Variants in HTT observed in about 807,000 individuals in gnomAD.
The protein encoded by HTT is huntington disease protein.
In HTT, 104 loss-of-function variants were observed where a neutral mutation model predicts 362.3. That is an observed-to-expected ratio of 0.29 (90% CI 0.24 to 0.34). The LOEUF (loss-of-function observed/expected upper bound fraction) is 0.34. HTT is among the 10% of genes least tolerant of loss of function. HTT has a pLI of 1.00. For synonymous variants in HTT, 1,577 were observed against 1,548.7 expected, an observed-to-expected ratio of 1.02 and a Z score of -0.43; for missense variants, 3,301 against 3,928.6, an observed-to-expected ratio of 0.84 and a Z score of 4.27.
chr4:3,220,344 C>G (rs370177554), intron 53 of HTT, 36 bp downstream of exon 53: 2 of 1,596,574 alleles, frequency 1.3e-6, no homozygotes, highest in African/African-American at 2.7e-5. Context: ...TCACCATTGT[C>G]GGACATCTAC....
intron 7 of HTT, 114 bp from the exon 8 acceptor site, chr4:3,115,971 T>A: frequency 1.0e-6 from 1 of 963,836 alleles, no homozygotes; most frequent in Non-Finnish European, 1.6e-6. Context: ...TACTCGTTCA[T>A]GATCATGTTT....
Position 3,145,153 on chromosome 4 carries a change from T to C in HTT, c.3068T>C (p.Phe1023Ser), listed in dbSNP as rs1287021690. ...ATTTTATTGTTTCTTTCTTCTCAGT[T>C]TGGATGCTGTGAAGCTTTGTGTCTT... The part of the protein sequence containing the change: ...LITSTTRALT[F>S]GCCEALCLLS... Residue 1023 changes from phenylalanine (F) to serine (S), a missense_variant and splice_region_variant, in exon 24 of 67, where the codon TTT (phenylalanine) becomes TCT (serine). By Grantham distance (155) the Phe-to-Ser change is radical. This residue lies in a region of HTT where 2,316 missense variants were observed against 2,658.5 expected (regional missense o/e 0.87). Coordinates refer to ENST00000355072, the MANE Select transcript of HTT (RefSeq NM_001388492.1). 6.2e-7 allele frequency: 1 copy of C among 1,611,578 alleles called. No homozygotes were observed. Among genetic ancestry groups the C allele is most frequent in the Non-Finnish European group, 8.5e-7 (1 of 1,177,766 alleles).
At chr4:3,193,083 C>G (rs1213344202) in intron 40 of HTT, among the ~76,000 whole-genome samples, 1 of 152,226 alleles carries the variant, frequency 6.6e-6, no homozygotes. Flanking sequence ...GTTCCGGCAC[C>G]CAAGAGAGCA....
At chr4:3,194,980 T>G (rs1221099031) in intron 40 of HTT, among the ~76,000 whole-genome samples, 2 of 152,208 alleles carry the variant, frequency 1.3e-5, no homozygotes, top group African/African-American at 4.8e-5. Flanking sequence ...TGTGAAGTAT[T>G]TCCCGCTTTG....
intron 37 of HTT, among the ~76,000 whole-genome samples, 159 bp downstream of exon 37, chr4:3,182,629 C>T (rs1718579716): frequency 6.6e-6 from 1 of 152,144 alleles, no homozygotes; most frequent in Non-Finnish European, 1.5e-5. Flanking sequence ...CATTTCTTCT[C>T]ACAATGCCAT....
rs1449308524 is a variant in HTT, at chr4:3,160,270, C to T, written c.3754-12C>T. The T allele has an allele frequency of 3.3e-6, 5 of 1,523,666 alleles. No individual in the cohort carries two copies. The highest frequency in any genetic ancestry group is 1.4e-5 in the African/African-American group (1 of 72,532). 94.4% of individuals were successfully genotyped at this position (1,523,666 alleles called of 1,614,324 possible). A position where few individuals can be genotyped will look rare whatever the true frequency, so the allele number is the denominator to read the frequency against. On this transcript the variant is annotated splice_polypyrimidine_tract_variant and intron_variant, in intron 28 of 66. Transcript: ENST00000355072. ...GCCAGTAACCGTGTGTTCTCTCCTT[C>T]ACCTTCCCAAGGTCACGCTGGATCT...
At chr4:3,129,686 A>G (rs1715707778) in intron 12 of HTT, 1 of 377,648 alleles carries the variant, frequency 2.6e-6, no homozygotes, top group African/African-American at 2.1e-5. Context: ...TCCACATTGG[A>G]ATTTTTTTGG....
chr4:3,116,211 G>T lies in HTT; in HGVS notation c.1016G>T (p.Gly339Val). The T allele has an allele frequency of 6.2e-7, 1 of 1,613,942 alleles. No individual in the cohort carries two copies. Among genetic ancestry groups the T allele is most frequent in the Non-Finnish European group, 8.5e-7 (1 of 1,179,830 alleles). The change falls in exon 8 of 67, where the codon GGA (glycine) becomes GTA (valine). Residue 339 changes from glycine (G) to valine (V), a missense_variant. By Grantham distance (109) the Gly-to-Val change is moderately radical. Transcript: ENST00000355072. ...VKDTSLKGSF[G>V]VTRKEMEVSP... ...GACACAAGCCTGAAAGGCAGCTTCGGAGTGACAAGGAAAGAAATGGAAGTC... is the reference window on the plus strand; with the variant it reads ...GACACAAGCCTGAAAGGCAGCTTCGTAGTGACAAGGAAAGAAATGGAAGTC...
intron 29 of HTT, among the ~76,000 whole-genome samples, chr4:3,161,186 C>A (rs190490888): frequency 6.6e-6 from 1 of 152,110 alleles, no homozygotes; most frequent in Admixed American, 6.6e-5. Flanking sequence ...GTTTTCTGAT[C>A]TTGTGATAGT....
Position 3,074,698 on chromosome 4 carries a change from A to C in HTT, c.-128A>C, listed in dbSNP as rs1225900094. Reference sequence around the variant, plus strand: ...CCGTGGGGGCTGCCGGGACGGGTCCAAGATGGACGGCCGCTCAGGTTCTGC... The same window carrying C: ...CCGTGGGGGCTGCCGGGACGGGTCCCAGATGGACGGCCGCTCAGGTTCTGC... On this transcript the variant is annotated 5_prime_UTR_variant, in exon 1 of 67. Transcript: ENST00000355072. The C allele has an allele frequency of 7.8e-6, 8 of 1,023,250 alleles. No homozygotes were observed. In the African/African-American group the frequency reaches 1.4e-4, roughly 17 times the overall value. The allele number at this position is 1,023,250 out of a possible 1,614,324, so 63.4% of individuals were successfully genotyped here. A position where few individuals can be genotyped will look rare whatever the true frequency, so the allele number is the denominator to read the frequency against.
chr4:3,081,598 G>T (rs1578481824), intron 1 of HTT, among the ~76,000 whole-genome samples: 2 of 101,306 alleles, frequency 2.0e-5, no homozygotes, highest in East Asian at 3.1e-4. Flanking sequence ...CACTCTTGTT[G>T]CCCAGGCTGG....
intron 2 of HTT, among the ~76,000 whole-genome samples, chr4:3,091,929 AATG>A (rs1383150615): frequency 3.3e-5 from 5 of 152,316 alleles, no homozygotes; most frequent in African/African-American, 1.2e-4. Context: ...GAAAGTGTGT[AATG>A]ATATTGGTGC....
Position 3,242,221 on chromosome 4 carries a change from G to C in HTT, c.*2162G>C, listed in dbSNP as rs937153959. 3.3e-5 allele frequency: 5 copies of C among 152,190 alleles called. No individual in the cohort carries two copies. Among genetic ancestry groups the C allele is most frequent in the Admixed American group, 3.3e-4 (5 of 15,280 alleles). 9.4% of individuals were successfully genotyped at this position (152,190 alleles called of 1,614,324 possible). On this transcript the variant is annotated 3_prime_UTR_variant, in exon 67 of 67. Coordinates refer to ENST00000355072, the MANE Select transcript of HTT (RefSeq NM_001388492.1). Reference sequence around the variant, plus strand: ...TGCATATCGCTGGGCTCAACATAGAGTTTGTCTTCCTCTTGTTTACGACGT... The same window carrying C: ...TGCATATCGCTGGGCTCAACATAGACTTTGTCTTCCTCTTGTTTACGACGT...
At chr4:3,207,471 G>T (rs1719923071) in intron 45 of HTT, 114 bp downstream of exon 45, 1 of 826,506 alleles carries the variant, frequency 1.2e-6, no homozygotes, top group Non-Finnish European at 2.0e-6. Flanking sequence ...TTATAGGTGG[G>T]TTTACTGCAG....
At chr4:3,208,650 G>T in intron 45 of HTT, 123 bp from the exon 46 acceptor site, 1 of 852,840 alleles carries the variant, frequency 1.2e-6, no homozygotes, top group Non-Finnish European at 1.7e-6. Flanking sequence ...CCTTTAAGAA[G>T]CCACTAATAG....
In HTT at chr4:3,088,781, A is replaced by G. The variant is rs936289521; in HGVS notation, c.347+1759A>G. ...CTGCTTATTTTTAATGCCTCTGTGCATTTGTATTATATACTTTCAAAGTGA... is the reference window on the plus strand; with the variant it reads ...CTGCTTATTTTTAATGCCTCTGTGCGTTTGTATTATATACTTTCAAAGTGA... On this transcript the variant is annotated intron_variant, in intron 2 of 66. Transcript: ENST00000355072. Among the ~76,000 whole-genome samples the G allele has an allele frequency of 9.9e-5, 15 of 151,682 alleles. No individual in the cohort carries two copies. The South Asian group carries it at 1.0e-3, about 10-fold the overall frequency.
intron 63 of HTT, 23 bp from the exon 64 acceptor site, chr4:3,236,126 C>T (rs757949135): frequency 2.6e-6 from 4 of 1,559,206 alleles, no homozygotes; most frequent in Admixed American, 3.3e-5. Flanking sequence ...AGGTAACCTT[C>T]GTACTGAACA....
intron 28 of HTT, 137 bp from the exon 29 acceptor site, chr4:3,160,145 C>T (rs890842385): frequency 5.1e-6 from 3 of 591,936 alleles, no homozygotes; most frequent in Non-Finnish European, 9.4e-6. Flanking sequence ...AACACGCAGA[C>T]ACACCCTGCA....
In HTT at chr4:3,142,771, A is replaced by G. The variant is rs1174900279; in HGVS notation, c.2951A>G (p.Tyr984Cys). ...CTCTATATTTTTGTTATTAGAATAT[A>G]TAGAGGCTATAACCTACTACCAAGC... Reference protein sequence around the residue: ...HFSVSTITRIYRGYNLLPSIT... With the variant: ...HFSVSTITRICRGYNLLPSIT... Residue 984 changes from tyrosine (Y) to cysteine (C), a missense_variant, in exon 23 of 67, where the codon TAT becomes TGT. Tyr to Cys is a radical substitution (Grantham distance 194). Around this residue, in one of 4 missense-constraint regions of HTT, gnomAD observed 2,316 missense variants for 2,658.5 expected, o/e 0.87. Transcript: ENST00000355072. 2.0e-6 allele frequency: 3 copies of G among 1,480,440 alleles called. No individual in the cohort carries two copies. In the South Asian group the frequency reaches 3.4e-5, roughly 17 times the overall value. The allele number at this position is 1,480,440 out of a possible 1,614,324, so 91.7% of individuals were successfully genotyped here. A position where few individuals can be genotyped will look rare whatever the true frequency, so the allele number is the denominator to read the frequency against.
Sources: allele counts gnomAD v4.1 joint callset (sites outside exome capture counted in the v4.1 genomes callset), GRCh38; gene constraint gnomAD v4.1.1; regional missense constraint gnomAD v4.1.1; transcripts MANE v1.5; gene names NCBI Gene and HGNC (gene_info 2026-07-23, HGNC 2026-07-21).